Variants in SUCLG2 observed in about 807,000 individuals in gnomAD.
SUCLG2 encodes succinate-CoA ligase GDP-forming subunit beta, also known as succinate--CoA ligase [GDP-forming] subunit beta, mitochondrial.
Under a neutral mutation model 47.9 loss-of-function variants are expected in SUCLG2, and 42 were observed. That is an observed-to-expected ratio of 0.88 (90% CI 0.69 to 1.14). SUCLG2 has a LOEUF of 1.14. Ranked by LOEUF, SUCLG2 falls within the 50% of genes most tolerant of loss-of-function variation. The pLI, the probability that SUCLG2 is intolerant of heterozygous loss-of-function variation, is 0.00. For missense variants in SUCLG2, 571 were observed against 525.9 expected, an observed-to-expected ratio of 1.09 and a Z score of -0.84; for synonymous variants, 195 against 197.3, an observed-to-expected ratio of 0.99 and a Z score of 0.10.
intron 10 of SUCLG2, among the ~76,000 whole-genome samples, chr3:67,380,687 T>TAGAA (rs796818297): frequency 1.5e-4 from 13 of 84,942 alleles, no homozygotes; most frequent in Non-Finnish European, 1.2e-4. Flanking sequence ...GAAAGGGGGG[T>TAGAA]AGAGAGAGAG....
intron 9 of SUCLG2, among the ~76,000 whole-genome samples, chr3:67,483,927 C>T (rs1431831934): frequency 6.6e-6 from 1 of 152,152 alleles, no homozygotes; most frequent in Non-Finnish European, 1.5e-5. Flanking sequence ...CTTGAGTCTC[C>T]CTAGAACCAA....
At chr3:67,512,470 A>T (rs887729259) in intron 6 of SUCLG2, among the ~76,000 whole-genome samples, 4 of 150,788 alleles carry the variant, frequency 2.7e-5, no homozygotes, top group Non-Finnish European at 4.4e-5. Flanking sequence ...TAGTGATACA[A>T]CCTCTGCAGA....
At chr3:67,642,848 T>G in intron 1 of SUCLG2, among the ~76,000 whole-genome samples, 1 of 151,940 alleles carries the variant, frequency 6.6e-6, no homozygotes, top group Non-Finnish European at 1.5e-5. Context: ...AGAAAAGGAC[T>G]CTGTGTGTGT....
intron 10 of SUCLG2, chr3:67,376,448 T>A: frequency 3.0e-6 from 3 of 985,408 alleles, no homozygotes; most frequent in Non-Finnish European, 3.6e-6. Context: ...TTCAAAGGTG[T>A]GCTTGGGGAC....
At chr3:67,566,054 C>T (rs556260507) in intron 2 of SUCLG2, among the ~76,000 whole-genome samples, 1 of 152,264 alleles carries the variant, frequency 6.6e-6, no homozygotes, top group South Asian at 2.1e-4. Context: ...GAGAGTATAG[C>T]GGTGGAAGGA....
chr3:67,561,840 T>C (rs1383279708), intron 2 of SUCLG2, among the ~76,000 whole-genome samples: 3 of 152,214 alleles, frequency 2.0e-5, no homozygotes, highest in African/African-American at 7.2e-5. Context: ...GGCAGACAAA[T>C]GCACACATGA....
chr3:67,648,339 T>C (rs1432946701), intron 1 of SUCLG2, among the ~76,000 whole-genome samples: 1 of 152,134 alleles, frequency 6.6e-6, no homozygotes. Flanking sequence ...AGGGCAACCA[T>C]GCCAAGTTGA....
intron 1 of SUCLG2, among the ~76,000 whole-genome samples, chr3:67,615,005 C>T (rs556393702): frequency 6.4e-4 from 98 of 152,242 alleles, no homozygotes; most frequent in African/African-American, 2.2e-3. Context: ...TGCCATCATT[C>T]CCTTCCTTCC....
At chr3:67,630,696 C>T (rs1700910098) in intron 1 of SUCLG2, among the ~76,000 whole-genome samples, 1 of 152,230 alleles carries the variant, frequency 6.6e-6, no homozygotes, top group Non-Finnish European at 1.5e-5. Flanking sequence ...CATCACTAGT[C>T]AATCGTCTCC....
chr3:67,595,001 A>C (rs1037038002), intron 2 of SUCLG2, among the ~76,000 whole-genome samples: 17 of 152,174 alleles, frequency 1.1e-4, no homozygotes, highest in Admixed American at 6.6e-5. Flanking sequence ...CCACCAAAAA[A>C]ACTACTTTGC....
At chr3:67,525,192 A>C (rs1706220443) in intron 4 of SUCLG2, among the ~76,000 whole-genome samples, 1 of 152,232 alleles carries the variant, frequency 6.6e-6, no homozygotes, top group Non-Finnish European at 1.5e-5. Context: ...CATAACAAAA[A>C]ACCAATTCCC....
At chr3:67,542,527 C>A (rs1251093890) in intron 2 of SUCLG2, among the ~76,000 whole-genome samples, 1 of 152,110 alleles carries the variant, frequency 6.6e-6, no homozygotes, top group Non-Finnish European at 1.5e-5. Flanking sequence ...TTAAAAGACA[C>A]AGGCTGGCAC....
At chr3:67,615,665 ATTG>A (rs1381716533) in intron 1 of SUCLG2, among the ~76,000 whole-genome samples, 81 of 146,114 alleles carry the variant, frequency 5.5e-4, no homozygotes, top group Middle Eastern at 3.4e-3. Flanking sequence ...ATCTGATGCT[ATTG>A]TTGTTGAAGG....
At chr3:67,362,602 C>T (rs564826199) in intron 10 of SUCLG2, among the ~76,000 whole-genome samples, 3 of 152,222 alleles carry the variant, frequency 2.0e-5, no homozygotes, top group South Asian at 4.1e-4. Context: ...TTATCTGGGT[C>T]GCCACTGTAT....
At chr3:67,524,675 G>A (rs1167645321) in intron 4 of SUCLG2, among the ~76,000 whole-genome samples, 7 of 152,172 alleles carry the variant, frequency 4.6e-5, no homozygotes. Flanking sequence ...AGATGGAGTA[G>A]ACATGTTTTT....
At chr3:67,574,907 T>C (rs1707705444) in intron 2 of SUCLG2, among the ~76,000 whole-genome samples, 1 of 152,192 alleles carries the variant, frequency 6.6e-6, no homozygotes, top group Non-Finnish European at 1.5e-5. Context: ...GGCCAGATAA[T>C]TTACCAAAGA....
intron 9 of SUCLG2, among the ~76,000 whole-genome samples, chr3:67,476,321 G>T (rs911625605): frequency 6.6e-6 from 1 of 151,998 alleles, no homozygotes; most frequent in Admixed American, 6.6e-5. Context: ...CCTCCTGTCC[G>T]ATCAGTGGCG....
rs543495479 is a variant in SUCLG2, at chr3:67,635,825, T to C, written c.84+18678A>G. On this transcript the variant is annotated intron_variant, in intron 1 of 10. Transcript: ENST00000307227. Reference sequence around the variant, plus strand: ...AACTGGAAACTCAAAGCAGGCCTTTTGTTTCCCATTTCAACTCCCCTCCTT... The same window carrying C: ...AACTGGAAACTCAAAGCAGGCCTTTCGTTTCCCATTTCAACTCCCCTCCTT... Among the ~76,000 whole-genome samples, 164 of 152,322 alleles carry C rather than the reference T, an allele frequency of 1.1e-3. 1 individual carries two copies. Among genetic ancestry groups the C allele is most frequent in the Non-Finnish European group, 4.0e-4 (27 of 68,030 alleles).
chr3:67,519,272 G>C (rs1706032415), intron 5 of SUCLG2, among the ~76,000 whole-genome samples: 1 of 152,280 alleles, frequency 6.6e-6, no homozygotes, highest in Admixed American at 6.5e-5. Flanking sequence ...GTCCCATCCA[G>C]GGTGGGCTCT....
Sources: gnomAD v4.1 joint callset for allele counts (sites outside exome capture counted in the v4.1 genomes callset) on GRCh38, gnomAD v4.1.1 for gene constraint, MANE v1.5 for transcripts, NCBI Gene and HGNC (gene_info 2026-07-23, HGNC 2026-07-21) for gene names.